The following CAPZA2 variants were observed in gnomAD, a reference collection of about 807,000 sequenced individuals.
CAPZA2 encodes the protein capping actin protein of muscle Z-line subunit alpha 2, also known as F-actin-capping protein subunit alpha-2.
CAPZA2 carries 13 observed loss-of-function variants against 44.0 expected under a neutral mutation model. The ratio of observed to expected loss-of-function variants is 0.30; its 90% confidence interval spans 0.19 to 0.47. The LOEUF (loss-of-function observed/expected upper bound fraction) is 0.47, where lower values mean the gene tolerates loss of function less well. Among genes scored for constraint, CAPZA2 ranks in the 20% least tolerant of loss-of-function variants. The pLI, the probability that CAPZA2 is intolerant of heterozygous loss-of-function variation, is 1.00. For synonymous variants in CAPZA2, 94 were observed against 108.2 expected (o/e 0.87, Z 0.81); for missense variants, 244 against 338.6 (o/e 0.72, Z 2.19).
At position 116,912,787 on chromosome 7, in the gene CAPZA2, G is replaced by A. The variant is rs190746570; in HGVS notation, c.657+647G>A. On this transcript the variant is annotated intron_variant, in intron 8 of 9. Coordinates refer to ENST00000361183, the MANE Select transcript of CAPZA2 (RefSeq NM_006136.3). ...TGTGAACATTTGTGTACTATTTTTT[G>A]TGTAGCTTTTTAAATTTATTTTTGG... Among the ~76,000 whole-genome samples, 90 of 152,220 alleles carry A rather than the reference G, an allele frequency of 5.9e-4. No homozygotes were observed. In the East Asian group the frequency reaches 0.015, roughly 26 times the overall value.
intron 1 of CAPZA2, among the ~76,000 whole-genome samples, chr7:116,880,957 C>G (rs538753310): frequency 6.6e-6 from 1 of 151,810 alleles, no homozygotes; most frequent in African/African-American, 2.4e-5. Flanking sequence ...AATCTGCCCA[C>G]CTTGGCCTCC....
At chr7:116,899,216 G>A (rs1441234746) in intron 4 of CAPZA2, among the ~76,000 whole-genome samples, 1 of 151,874 alleles carries the variant, frequency 6.6e-6, no homozygotes, top group African/African-American at 2.4e-5. Flanking sequence ...TTAGCATTTA[G>A]TGATTATTAA....
intron 1 of CAPZA2, chr7:116,879,943 T>G: frequency 2.8e-6 from 1 of 351,114 alleles, no homozygotes; most frequent in South Asian, 2.3e-5. Context: ...GAAGGGAGAT[T>G]TAATGTTTAT....
intron 4 of CAPZA2, 48 bp downstream of exon 4, chr7:116,898,883 G>A (rs752297522): frequency 5.2e-6 from 6 of 1,148,192 alleles, no homozygotes; most frequent in Middle Eastern, 2.0e-4. Context: ...TAACCGTTAA[G>A]GTATCCTGCA....
chr7:116,890,555 T>A (rs1562959961), intron 2 of CAPZA2, among the ~76,000 whole-genome samples: 7 of 11,582 alleles, frequency 6.0e-4, no homozygotes, highest in African/African-American at 2.6e-3. Flanking sequence ...TATATATATA[T>A]ATATATATAT....
intron 1 of CAPZA2, among the ~76,000 whole-genome samples, chr7:116,872,887 T>C (rs778971996): frequency 6.6e-6 from 1 of 152,216 alleles, no homozygotes; most frequent in Non-Finnish European, 1.5e-5. Context: ...CCTTAGGGCA[T>C]GGGTGCAATA....
chr7:116,919,082 T>A lies in CAPZA2; in HGVS notation c.*1215T>A, dbSNP rs983708725. On this transcript the variant is annotated 3_prime_UTR_variant, in exon 10 of 10. Coordinates refer to ENST00000361183, the MANE Select transcript of CAPZA2 (RefSeq NM_006136.3). ...CGTCTGGGCCTGGAAATTTTTTTTT[T>A]ATTTTATTTTATTGTTTTTTTTTTT... The A allele has an allele frequency of 9.2e-5, 14 of 151,758 alleles. No homozygotes were observed. Among genetic ancestry groups the A allele is most frequent in the South Asian group, 2.1e-4 (1 of 4,828 alleles). The allele number at this position is 151,758 out of a possible 1,614,324, so 9.4% of individuals were successfully genotyped here. A position where few individuals can be genotyped will look rare whatever the true frequency, so the allele number is the denominator to read the frequency against.
intron 1 of CAPZA2, among the ~76,000 whole-genome samples, chr7:116,868,042 T>G (rs1796505026): frequency 2.0e-5 from 3 of 152,220 alleles, no homozygotes; most frequent in Admixed American, 6.5e-5. Context: ...GTAGTTATTT[T>G]TCTCTGCTCA....
intron 3 of CAPZA2, among the ~76,000 whole-genome samples, chr7:116,894,052 T>A (rs1020880247): frequency 2.0e-5 from 3 of 152,156 alleles, no homozygotes; most frequent in African/African-American, 7.2e-5. Flanking sequence ...CATCCTAGTA[T>A]AATACCCAAT....
chr7:116,917,734 T>A lies in CAPZA2; in HGVS notation c.728T>A (p.Ile243Asn). 6.2e-7 allele frequency: 1 copy of A among 1,604,550 alleles called. No individual in the cohort carries two copies. Among genetic ancestry groups the A allele is most frequent in the Non-Finnish European group, 8.5e-7 (1 of 1,171,302 alleles). The change falls in exon 10 of 10, where the codon ATC (isoleucine) becomes AAC (asparagine). Residue 243 changes from isoleucine to asparagine, a missense_variant. Physicochemically the swap from Ile to Asn is moderately radical, Grantham distance 149 (BLOSUM62 -3). Transcript: ENST00000361183. ...EAAENEYQTA[I>N]SENYQTMSDT... is the part of the protein sequence containing the mutation. ...AACTATTGTTTTTCATAGACTGCCA[T>A]CAGTGAGAATTATCAGACAATGTCG...
At chr7:116,910,339 T>C in intron 7 of CAPZA2, 28 bp downstream of exon 7, 3 of 1,048,432 alleles carry the variant, frequency 2.9e-6, no homozygotes, top group Non-Finnish European at 4.5e-6. Context: ...TTTACTGATC[T>C]TTAGATGATT....
At chr7:116,911,968 G>T in intron 7 of CAPZA2, 101 bp from the exon 8 acceptor site, 3 of 1,561,476 alleles carry the variant, frequency 1.9e-6, no homozygotes, top group Non-Finnish European at 1.7e-6. Flanking sequence ...GTCTAGACTA[G>T]AGCTGAAATA....
chr7:116,883,100 C>T (rs1562958619), intron 1 of CAPZA2, among the ~76,000 whole-genome samples: 1 of 152,164 alleles, frequency 6.6e-6, no homozygotes. Context: ...AAACATTTAG[C>T]AGTGGGCCTA....
chr7:116,876,209 C>T (rs1055910960), intron 1 of CAPZA2: 12 of 150,712 alleles, frequency 8.0e-5, no homozygotes, highest in South Asian at 4.2e-4. Flanking sequence ...GAGTTCGCGC[C>T]GCTGCACTCC....
At chr7:116,916,231 T>G in intron 9 of CAPZA2, 109 bp downstream of exon 9, 1 of 1,145,202 alleles carries the variant, frequency 8.7e-7, no homozygotes, top group East Asian at 3.1e-5. Flanking sequence ...GTTAGAGTCT[T>G]TTTGTTGTGT....
intron 1 of CAPZA2, among the ~76,000 whole-genome samples, chr7:116,868,094 C>G (rs574757736): frequency 2.0e-5 from 3 of 152,302 alleles, no homozygotes; most frequent in African/African-American, 7.2e-5. Flanking sequence ...GCTCCCAGGT[C>G]TGTCCCCTTT....
intron 1 of CAPZA2, among the ~76,000 whole-genome samples, chr7:116,863,508 T>C (rs1255375624): frequency 1.3e-5 from 2 of 152,238 alleles, no homozygotes; most frequent in Non-Finnish European, 2.9e-5. Flanking sequence ...ACGACTTAAG[T>C]TCTCAGATAT....
Position 116,918,371 on chromosome 7 carries a change from GAA to G in CAPZA2, c.*506_*507del, listed in dbSNP as rs1245117814. The G allele has an allele frequency of 6.5e-6, 1 of 153,624 alleles. No individual in the cohort carries two copies. The highest frequency in any genetic ancestry group is 1.5e-5 in the Non-Finnish European group (1 of 68,700). 9.5% of individuals were successfully genotyped at this position (153,624 alleles called of 1,614,324 possible). A position where few individuals can be genotyped will look rare whatever the true frequency, so the allele number is the denominator to read the frequency against. On this transcript the variant is annotated 3_prime_UTR_variant, in exon 10 of 10. Transcript: ENST00000361183. ...ATTTATGTAAAGTTGAGATTAGAGG[GAA>G]AGCATTTTCTATATCAATTGTGTTT...
chr7:116,865,207 A>G (rs1417008028), intron 1 of CAPZA2, among the ~76,000 whole-genome samples: 2 of 63,010 alleles, frequency 3.2e-5, no homozygotes, highest in African/African-American at 1.4e-4. Flanking sequence ...TTTTTTTGAT[A>G]CAGAGTCCCA....
Sources: gnomAD v4.1 joint callset for allele counts (sites outside exome capture counted in the v4.1 genomes callset) on GRCh38, gnomAD v4.1.1 for gene constraint, MANE v1.5 for transcripts, NCBI Gene and HGNC (gene_info 2026-07-23, HGNC 2026-07-21) for gene names.